The following EPC1 variants were observed in gnomAD, a reference collection of about 807,000 sequenced individuals.
EPC1 encodes enhancer of polycomb 1, also known as enhancer of polycomb homolog 1.
In EPC1, 12 loss-of-function variants were observed where a neutral mutation model predicts 98.4. That is an observed-to-expected ratio of 0.12 (90% CI 0.08 to 0.20). The LOEUF (loss-of-function observed/expected upper bound fraction) is 0.20. Ranked by LOEUF, EPC1 falls within the 10% of genes least tolerant of loss-of-function variation. EPC1 has a pLI of 1.00. For missense variants in EPC1, 729 were observed against 990.5 expected (o/e 0.74, Z 3.54); for synonymous variants, 357 against 363.9 (o/e 0.98, Z 0.21).
upstream of EPC1, among the ~76,000 whole-genome samples, chr10:32,351,606 C>T (rs1177856016): frequency 3.3e-5 from 5 of 150,340 alleles, no homozygotes; most frequent in African/African-American, 4.9e-5. Flanking sequence ...TGCAGTGAGC[C>T]GAGATTGCAC....
intron 1 of EPC1, among the ~76,000 whole-genome samples, chr10:32,336,704 C>T (rs1486067183): frequency 6.6e-6 from 1 of 152,044 alleles, no homozygotes; most frequent in Non-Finnish European, 1.5e-5. Flanking sequence ...CAACTCTTAA[C>T]GACTGACATG....
At chr10:32,373,214 G>A (rs1247419401) in intron 1 of EPC1, among the ~76,000 whole-genome samples, 1 of 152,042 alleles carries the variant, frequency 6.6e-6, no homozygotes, top group Non-Finnish European at 1.5e-5. Flanking sequence ...CAGTTTCCTT[G>A]GCTGCAAAAT....
intron 1 of EPC1, among the ~76,000 whole-genome samples, chr10:32,367,862 C>A (rs1839643561): frequency 6.6e-6 from 1 of 152,204 alleles, no homozygotes; most frequent in African/African-American, 2.4e-5. Flanking sequence ...TTTTCTCTGT[C>A]ATTTTCTGTT....
At chr10:32,340,670 T>C (rs754714384) in intron 1 of EPC1, among the ~76,000 whole-genome samples, 7 of 151,940 alleles carry the variant, frequency 4.6e-5, no homozygotes, top group Admixed American at 2.6e-4. Context: ...AAAATAAAAA[T>C]AGAAAAAATT....
At chr10:32,298,998 G>C (rs1246115583) in intron 2 of EPC1, among the ~76,000 whole-genome samples, 1 of 152,160 alleles carries the variant, frequency 6.6e-6, no homozygotes, top group Admixed American at 6.6e-5. Flanking sequence ...ATAAGTTGTT[G>C]AAATAAAAAC....
At position 32,269,066 on chromosome 10, in the gene EPC1, C is replaced by T. The variant is rs1036170099; in HGVS notation, c.2439G>A (p.Thr813=). Reference sequence around the variant, plus strand: ...CTGCAGTTCCACTCGGAGGAAGCTACGTCACCTCCATCGCTACTGTGTTGT... The same window carrying T: ...CTGCAGTTCCACTCGGAGGAAGCTATGTCACCTCCATCGCTACTGTGTTGT... The part of the protein sequence containing the change: ...IADNTVAMEV[T] Residue 813 remains threonine, a synonymous_variant, in exon 14 of 14, where the codon ACG becomes ACA. Coordinates refer to ENST00000319778, the MANE Select transcript of EPC1 (RefSeq NM_001272004.3). The T allele has an allele frequency of 5.0e-6, 8 of 1,613,318 alleles. No homozygotes were observed. Among genetic ancestry groups the T allele is most frequent in the East Asian group, 2.2e-5 (1 of 44,844 alleles).
chr10:32,269,050 C>T lies in EPC1; in HGVS notation c.*13G>A. On this transcript the variant is annotated 3_prime_UTR_variant, in exon 14 of 14. Transcript: ENST00000319778. ...TAATCAAGTCCCCAGGCTGCAGTTC[C>T]ACTCGGAGGAAGCTACGTCACCTCC... 6.2e-7 allele frequency: 1 copy of T among 1,612,702 alleles called. No homozygotes were observed. The highest frequency in any genetic ancestry group is 8.5e-7 in the Non-Finnish European group (1 of 1,178,984).
intron 1 of EPC1, among the ~76,000 whole-genome samples, chr10:32,334,765 G>A (rs765450301): frequency 9.9e-5 from 15 of 152,136 alleles, no homozygotes; most frequent in Non-Finnish European, 1.8e-4. Flanking sequence ...GTTTTGTAAG[G>A]TGGGGTTTAT....
At chr10:32,273,011 C>T in intron 11 of EPC1, 152 bp downstream of exon 11, 1 of 1,612,820 alleles carries the variant, frequency 6.2e-7, no homozygotes, top group Middle Eastern at 1.7e-4. Context: ...CTTCCATACT[C>T]ACCTGTAGTG....
intron 1 of EPC1, among the ~76,000 whole-genome samples, chr10:32,320,001 G>C (rs1021707807): frequency 6.6e-6 from 1 of 152,060 alleles, no homozygotes; most frequent in African/African-American, 2.4e-5. Context: ...ACTATTTAGG[G>C]GTAAAGTGCC....
rs574147763 is a variant in EPC1 at position 32,370,915 on chromosome 10, T to C, written c.3+7576A>G. Among the ~76,000 whole-genome samples the C allele has an allele frequency of 2.6e-5, 4 of 152,346 alleles. No homozygotes were observed. In the East Asian group the frequency reaches 5.8e-4, roughly 22 times the overall value. ...TAAATAGATGCTGAATGACTCTTTT[T>C]GATTCTAGACCACACTAGCCCAAAC... On this transcript the variant is annotated intron_variant, in intron 1 of 13. Transcript: ENST00000375110.
intron 1 of EPC1, among the ~76,000 whole-genome samples, chr10:32,313,925 G>T (rs951003942): frequency 3.9e-5 from 6 of 151,944 alleles, no homozygotes; most frequent in African/African-American, 1.4e-4. Flanking sequence ...AGAGAAGAGG[G>T]AATAGAGGGA....
intron 1 of EPC1, among the ~76,000 whole-genome samples, chr10:32,359,927 T>C (rs1235680198): frequency 6.6e-6 from 1 of 152,178 alleles, no homozygotes; most frequent in African/African-American, 2.4e-5. Flanking sequence ...TCATTAGTAG[T>C]TTTGTATCAT....
intron 1 of EPC1, among the ~76,000 whole-genome samples, chr10:32,310,643 C>T (rs183064688): frequency 2.0e-5 from 3 of 152,238 alleles, no homozygotes; most frequent in Admixed American, 6.5e-5. Context: ...ACAGGCCAGA[C>T]GTGGTGGCTT....
At chr10:32,363,605 C>T (rs1241431569) in intron 1 of EPC1, among the ~76,000 whole-genome samples, 3 of 152,184 alleles carry the variant, frequency 2.0e-5, no homozygotes, top group Non-Finnish European at 2.9e-5. Flanking sequence ...AGTGTTCCTT[C>T]TTAAATAAAT....
chr10:32,326,405 G>GT (rs1837280635), intron 1 of EPC1, among the ~76,000 whole-genome samples: 1 of 152,062 alleles, frequency 6.6e-6, no homozygotes, highest in Admixed American at 6.6e-5. Flanking sequence ...GTTTACTGCT[G>GT]TATCACCCTG....
intron 1 of EPC1, among the ~76,000 whole-genome samples, chr10:32,317,800 T>C (rs1216460958): frequency 6.6e-6 from 1 of 152,236 alleles, no homozygotes; most frequent in Non-Finnish European, 1.5e-5. Flanking sequence ...TATTACTCTC[T>C]ACCTATCCTC....
At chr10:32,286,632 G>A (rs887752802) in intron 9 of EPC1, 62 bp downstream of exon 9, 10 of 1,576,800 alleles carry the variant, frequency 6.3e-6, no homozygotes, top group Non-Finnish European at 8.6e-6. Flanking sequence ...GACTTTAAAA[G>A]TTAGATTCAA....
intron 1 of EPC1, among the ~76,000 whole-genome samples, chr10:32,309,684 T>C (rs1050631777): frequency 6.8e-6 from 1 of 147,110 alleles, no homozygotes; most frequent in Admixed American, 6.8e-5. Context: ...AGCCACACCC[T>C]GTCTCAAAAA....
Sources: gnomAD v4.1 joint callset for allele counts (sites outside exome capture counted in the v4.1 genomes callset) on GRCh38, gnomAD v4.1.1 for gene constraint, MANE v1.5 for transcripts, NCBI Gene and HGNC (gene_info 2026-07-23, HGNC 2026-07-21) for gene names.